Variants in ONECUT1 observed in about 807,000 individuals in gnomAD.
ONECUT1 encodes one cut homeobox 1, also known as hepatocyte nuclear factor 6.
Under a neutral mutation model 25.6 loss-of-function variants are expected in ONECUT1, and 12 were observed. That is an observed-to-expected ratio of 0.47 (90% CI 0.30 to 0.76). The LOEUF is 0.76. ONECUT1 is among the 30% of genes least tolerant of loss of function. The probability of loss-of-function intolerance (pLI) is 0.07; values close to 1 mark genes in which losing one functional copy is unlikely to be tolerated. For missense variants in ONECUT1, 620 were observed against 651.2 expected, an observed-to-expected ratio of 0.95 and a Z score of 0.52; for synonymous variants, 285 against 270.2, an observed-to-expected ratio of 1.05 and a Z score of -0.54.
intron 1 of ONECUT1, among the ~76,000 whole-genome samples, chr15:52,786,319 A>T (rs1309237876): frequency 1.3e-5 from 2 of 152,256 alleles, no homozygotes; most frequent in African/African-American, 4.8e-5. Context: ...ACCCTCCTGG[A>T]CCAACACAGA....
chr15:52,789,736 G>C lies in ONECUT1; in HGVS notation c.149C>G (p.Pro50Arg). ...CAGGGACGCCATGCCCATGGAGCGC[G>C]GGTGCGCGGGGGGCAGGTGGCTGCC... is the stretch of plus-strand genomic sequence containing the variant. ...HRGSHLPPAH[P>R]RSMGMASLLD... Residue 50 changes from proline (P) to arginine (R), a missense_variant, in exon 1 of 2, where the codon CCG becomes CGG. By Grantham distance (103) the Pro-to-Arg change is moderately radical (BLOSUM62 -2). Around this residue, in one of 4 missense-constraint regions of ONECUT1, gnomAD observed 440 missense variants for 404.9 expected, o/e 1.09. Coordinates refer to ENST00000305901, the MANE Select transcript of ONECUT1 (RefSeq NM_004498.4). The surrounding 1 kb of genome is among the most constrained non-coding windows in gnomAD (Gnocchi z 4.1). 1 of 1,415,994 alleles carries C rather than the reference G, an allele frequency of 7.1e-7. No individual in the cohort carries two copies. The highest frequency in any genetic ancestry group is 9.1e-7 in the Non-Finnish European group (1 of 1,094,498). The allele number at this position is 1,415,994 out of a possible 1,614,324, so 87.7% of individuals were successfully genotyped here.
intron 1 of ONECUT1, among the ~76,000 whole-genome samples, chr15:52,760,288 C>T (rs2083698634): frequency 6.6e-6 from 1 of 152,170 alleles, no homozygotes; most frequent in South Asian, 2.1e-4. Context: ...CAGAGGCCTA[C>T]AGCCCTCACC....
rs1436357332 is a variant in ONECUT1 at position 52,757,910 on chromosome 15, CAG to C, written c.1106-65_1106-64del. The C allele has an allele frequency of 5.9e-6, 9 of 1,528,712 alleles. No homozygotes were observed. In the Admixed American group the frequency reaches 1.4e-4, roughly 24 times the overall value. 94.7% of individuals were successfully genotyped at this position (1,528,712 alleles called of 1,614,324 possible). On this transcript the variant is annotated intron_variant, in intron 1 of 1. Transcript: ENST00000305901. ...TAGGGGAGAATCATGAGTAGAAAGACAGAGCTCATAAAATTTGTTAGCCATTC... is the reference window on the plus strand; with the variant it reads ...TAGGGGAGAATCATGAGTAGAAAGACAGCTCATAAAATTTGTTAGCCATTC...
chr15:52,757,943 G>A (rs1449917524), intron 1 of ONECUT1, 96 bp from the exon 2 acceptor site: 2 of 1,345,480 alleles, frequency 1.5e-6, no homozygotes, highest in Non-Finnish European at 2.0e-6. Context: ...CATTCCTCAT[G>A]GCCTGCTTTC....
At position 52,789,926 on chromosome 15, in the gene ONECUT1, G is replaced by A. The variant is rs1450811411; in HGVS notation, c.-42C>T. 5 of 1,483,630 alleles carry A rather than the reference G, an allele frequency of 3.4e-6. No individual in the cohort carries two copies. The highest frequency in any genetic ancestry group is 8.9e-7 in the Non-Finnish European group (1 of 1,127,466). The allele number at this position is 1,483,630 out of a possible 1,614,324, so 91.9% of individuals were successfully genotyped here. ...AGGCGGCGGACACAACATCGATGTG[G>A]CCAGGCAGAGGCGGCGAGGGGCGCA... On this transcript the variant is annotated 5_prime_UTR_variant, in exon 1 of 2. Transcript: ENST00000305901. The surrounding 1 kb of genome is among the most constrained non-coding windows in gnomAD (Gnocchi z 4.1).
intron 1 of ONECUT1, among the ~76,000 whole-genome samples, chr15:52,764,929 G>A (rs1356440858): frequency 6.6e-6 from 1 of 152,220 alleles, no homozygotes; most frequent in African/African-American, 2.4e-5. Context: ...CCCCTTTGCT[G>A]CTCCAATGCC....
chr15:52,785,543 C>T (rs999699321), intron 1 of ONECUT1, among the ~76,000 whole-genome samples: 3 of 152,232 alleles, frequency 2.0e-5, no homozygotes, highest in Non-Finnish European at 4.4e-5. Flanking sequence ...GTCCGCGGTG[C>T]TGCGCTTGCT....
rs951714699 is a variant in ONECUT1 at position 52,788,182 on chromosome 15, C to G, written c.1105+598G>C. ...GCAGAGAGCGTCCTAACCCTTACAA[C>G]TCGTCTGTGCTACACACCCACCGCC... On this transcript the variant is annotated intron_variant, in intron 1 of 1. Coordinates refer to ENST00000305901, the MANE Select transcript of ONECUT1 (RefSeq NM_004498.4). The surrounding 1 kb of genome is among the most constrained non-coding windows in gnomAD (Gnocchi z 4.3). 1.3e-5 allele frequency: 2 copies of G among 153,600 alleles called. No homozygotes were observed. Among genetic ancestry groups the G allele is most frequent in the African/African-American group, 2.4e-5 (1 of 41,470 alleles). The allele number at this position is 153,600 out of a possible 1,614,324, so 9.5% of individuals were successfully genotyped here. A position where few individuals can be genotyped will look rare whatever the true frequency, so the allele number is the denominator to read the frequency against.
chr15:52,779,209 G>A (rs959403881), intron 1 of ONECUT1, among the ~76,000 whole-genome samples: 5 of 151,712 alleles, frequency 3.3e-5, no homozygotes, highest in African/African-American at 9.7e-5. Flanking sequence ...TCAGCCTCCC[G>A]AGTAGCTGGG....
Position 52,789,400 on chromosome 15 carries a change from T to C in ONECUT1, c.485A>G (p.Asn162Ser). The C allele has an allele frequency of 1.9e-6, 3 of 1,613,670 alleles. 1 individual carries two copies. In the South Asian group the frequency reaches 3.3e-5, roughly 18 times the overall value. ...CTTGTGGTAGGGGGTATAGAGGTTA[T>C]TCATGGAGGCCAGCCCGCGCTCATC... Reference protein sequence around the residue: ...MRDERGLASMNNLYTPYHKDV... With the variant: ...MRDERGLASMSNLYTPYHKDV... The change falls in exon 1 of 2, where the codon AAT becomes AGT. Residue 162 changes from asparagine (N) to serine (S), a missense_variant. Physicochemically the swap from Asn to Ser is conservative, Grantham distance 46. This residue lies in a region of ONECUT1 where 440 missense variants were observed against 404.9 expected (regional missense o/e 1.09). Coordinates refer to ENST00000305901, the MANE Select transcript of ONECUT1 (RefSeq NM_004498.4). The surrounding 1 kb of genome is among the most constrained non-coding windows in gnomAD (Gnocchi z 4.1).
At chr15:52,780,521 A>G (rs978605914) in intron 1 of ONECUT1, 3 of 1,429,800 alleles carry the variant, frequency 2.1e-6, no homozygotes, top group Non-Finnish European at 2.8e-6. Flanking sequence ...AAGTAATTAG[A>G]ATTTAATCAC....
intron 1 of ONECUT1, among the ~76,000 whole-genome samples, chr15:52,761,023 T>TG (rs2083702885): frequency 8.6e-5 from 1 of 11,582 alleles, no homozygotes; most frequent in Non-Finnish European, 1.6e-4. Context: ...TGGGGTGGGG[T>TG]GGGGGTTTGC....
At position 52,788,584 on chromosome 15, in the gene ONECUT1, A is replaced by T. The variant is rs927333333; in HGVS notation, c.1105+196T>A. ...AGCTCTCGGAGCCTTCCACAGCCCA[A>T]CACCCTGAGCCCTGGAGTAGGCAAT... On this transcript the variant is annotated intron_variant, in intron 1 of 1. Coordinates refer to ENST00000305901, the MANE Select transcript of ONECUT1 (RefSeq NM_004498.4). This position sits in a 1 kb window ranked among gnomAD's most constrained non-coding sequence, Gnocchi z 4.3. The T allele has an allele frequency of 1.6e-6, 1 of 612,552 alleles. No individual in the cohort carries two copies. The highest frequency in any genetic ancestry group is 2.8e-6 in the Non-Finnish European group (1 of 357,674). The allele number at this position is 612,552 out of a possible 1,614,324, so 37.9% of individuals were successfully genotyped here. A position where few individuals can be genotyped will look rare whatever the true frequency, so the allele number is the denominator to read the frequency against.
At chr15:52,781,728 T>C (rs938677823) in intron 1 of ONECUT1, among the ~76,000 whole-genome samples, 4 of 152,222 alleles carry the variant, frequency 2.6e-5, no homozygotes, top group African/African-American at 9.6e-5. Context: ...AAAAATCCAA[T>C]GCCCATGTCA....
chr15:52,788,783 C>T lies in ONECUT1; in HGVS notation c.1102G>A (p.Ala368Thr), dbSNP rs372517092. The T allele has an allele frequency of 4.8e-5, 78 of 1,608,668 alleles. No individual in the cohort carries two copies. Among genetic ancestry groups the T allele is most frequent in the Non-Finnish European group, 5.7e-5 (67 of 1,176,994 alleles). ...CCCAGCTCCTTGGCCGGCTCACCTG[C>T]TAAGCGGAGCGCGGACATGCGCTGG... is the stretch of plus-strand genomic sequence containing the variant. ...EFQRMSALRL[A>T]ACKRKEQEHG... Residue 368 changes from alanine (A) to threonine (T), a missense_variant, in exon 1 of 2, where the codon GCA becomes ACA. Around this residue, in one of 4 missense-constraint regions of ONECUT1, gnomAD observed 146 missense variants for 201.8 expected, o/e 0.72. Transcript: ENST00000305901. This position sits in a 1 kb window ranked among gnomAD's most constrained non-coding sequence, Gnocchi z 4.3.
In ONECUT1 at chr15:52,789,891, C is replaced by T; in HGVS notation, c.-7G>A. ...TGGTCAGCTGCGCGTTCATCGTGAT[C>T]CGGGCGAGCAGGCGGCGGACACAAC... On this transcript the variant is annotated 5_prime_UTR_variant, in exon 1 of 2. Coordinates refer to ENST00000305901, the MANE Select transcript of ONECUT1 (RefSeq NM_004498.4). The surrounding 1 kb of genome is among the most constrained non-coding windows in gnomAD (Gnocchi z 4.1). 6.5e-7 allele frequency: 1 copy of T among 1,529,012 alleles called. No homozygotes were observed. The highest frequency in any genetic ancestry group is 1.2e-5 in the South Asian group (1 of 83,074). 94.7% of individuals were successfully genotyped at this position (1,529,012 alleles called of 1,614,324 possible). A position where few individuals can be genotyped will look rare whatever the true frequency, so the allele number is the denominator to read the frequency against.
At chr15:52,774,479 T>C (rs1018285037) in intron 1 of ONECUT1, among the ~76,000 whole-genome samples, 3 of 152,116 alleles carry the variant, frequency 2.0e-5, no homozygotes, top group South Asian at 2.1e-4. Context: ...TTTGTATTTT[T>C]AGTAGAGACG....
At chr15:52,777,536 C>G (rs933684802) in intron 1 of ONECUT1, among the ~76,000 whole-genome samples, 13 of 152,094 alleles carry the variant, frequency 8.5e-5, no homozygotes, top group Admixed American at 3.3e-4. Context: ...TAATTCTGAT[C>G]TAAGAGCTCT....
intron 1 of ONECUT1, among the ~76,000 whole-genome samples, chr15:52,772,436 G>A (rs560681870): frequency 8.6e-5 from 13 of 151,944 alleles, no homozygotes; most frequent in South Asian, 6.3e-4. Flanking sequence ...GTTTGTTCAC[G>A]GAGTTCATTG....
Sources: allele counts gnomAD v4.1 joint callset (sites outside exome capture counted in the v4.1 genomes callset), GRCh38; gene constraint gnomAD v4.1.1; regional missense constraint gnomAD v4.1.1; non-coding constraint Gnocchi (gnomAD v3.1); transcripts MANE v1.5; gene names NCBI Gene and HGNC (gene_info 2026-07-23, HGNC 2026-07-21).